PCDHA8: variants seen among roughly 807,000 people sequenced by gnomAD.
The protein encoded by PCDHA8 is protocadherin alpha-8.
Under a neutral mutation model 61.8 loss-of-function variants are expected in PCDHA8, and 53 were observed. That is an observed-to-expected ratio of 0.86 (90% CI 0.69 to 1.08). The LOEUF (loss-of-function observed/expected upper bound fraction) is 1.08, where lower values mean the gene tolerates loss of function less well. PCDHA8 is among the 50% of genes least tolerant of loss of function. The pLI, the probability that PCDHA8 is intolerant of heterozygous loss-of-function variation, is 0.00. For synonymous variants in PCDHA8, 618 were observed against 556.6 expected (o/e 1.11, Z -1.55); for missense variants, 1,293 against 1,245.0 (o/e 1.04, Z -0.58).
chr5:140,856,934 G>A, intron 1 of PCDHA8: 1 of 1,593,752 alleles, frequency 6.3e-7, no homozygotes. Context: ...TTGGATAAAC[G>A]AAAGGACGGG....
chr5:140,973,549 A>G (rs1040107774), intron 1 of PCDHA8, among the ~76,000 whole-genome samples: 2 of 152,230 alleles, frequency 1.3e-5, no homozygotes, highest in Non-Finnish European at 2.9e-5. Context: ...ATTTATTTCA[A>G]TTACCTCTTT....
chr5:140,882,628 G>A (rs1554174947), intron 1 of PCDHA8: 9 of 1,614,252 alleles, frequency 5.6e-6, no homozygotes, highest in Non-Finnish European at 7.6e-6. Flanking sequence ...TCCATGTGGA[G>A]GTGAAGGTGA....
chr5:140,967,935 A>G (rs186453952), intron 1 of PCDHA8: 13 of 1,614,214 alleles, frequency 8.1e-6, no homozygotes, highest in South Asian at 4.4e-5. Flanking sequence ...CTCAGTGTCA[A>G]TGACCAAGAC....
In PCDHA8 at chr5:140,842,144, G is replaced by A. The variant is rs2150330322; in HGVS notation, c.823G>A (p.Gly275Arg). ...TTCTGATCCGGATGAAGGAGCCAAT[G>A]GGGCAATTTCATATTCTTTTAATAG... ...NASDPDEGAN[G>R]AISYSFNSLV... The change falls in exon 1 of 4, where the codon GGG (glycine) becomes AGG (arginine). Residue 275 changes from glycine to arginine, a missense_variant. By Grantham distance (125) the Gly-to-Arg change is moderately radical. Transcript: ENST00000531613. The A allele has an allele frequency of 6.2e-7, 1 of 1,613,850 alleles. No individual in the cohort carries two copies. Among genetic ancestry groups the A allele is most frequent in the African/African-American group, 1.3e-5 (1 of 74,972 alleles).
intron 1 of PCDHA8, chr5:140,856,054 T>G: frequency 6.3e-7 from 1 of 1,586,304 alleles, no homozygotes; most frequent in Non-Finnish European, 8.6e-7. Flanking sequence ...ATAAGATGGT[T>G]TCCAGATGTA....
chr5:140,900,101 T>C (rs2067753417), intron 1 of PCDHA8, among the ~76,000 whole-genome samples: 1 of 152,180 alleles, frequency 6.6e-6, no homozygotes, highest in African/African-American at 2.4e-5. Flanking sequence ...TGCGCCACCA[T>C]ACCTGGCCTT....
Position 140,843,508 on chromosome 5 carries a change from G to A in PCDHA8, c.2187G>A (p.Glu729=), listed in dbSNP as rs2150361368. Residue 729 remains glutamate, a synonymous_variant, in exon 1 of 4, where the codon GAG becomes GAA. Transcript: ENST00000531613. ...TALRCSALPT[E]GGCRAGKPTL... is the part of the protein sequence containing the mutation. ...TGCGGTGCTCAGCACTGCCCACTGA[G>A]GGCGGGTGCCGGGCGGGCAAGCCCA... 2.5e-6 allele frequency: 4 copies of A among 1,596,038 alleles called. No individual in the cohort carries two copies. The Admixed American group carries it at 6.7e-5, about 27-fold the overall frequency.
At position 140,858,141 on chromosome 5, in the gene PCDHA8, T is replaced by C. The variant is rs1247420166; in HGVS notation, c.2394+14426T>C. 4 of 1,597,496 alleles carry C rather than the reference T, an allele frequency of 2.5e-6. No individual in the cohort carries two copies. The African/African-American group carries it at 5.4e-5, about 21-fold the overall frequency. ...GCCCTGGTGGATGTCAACGTGTACC[T>C]GATCATCGCCATCTGCGCGGTGTCC... On this transcript the variant is annotated intron_variant, in intron 1 of 3. Transcript: ENST00000531613.
chr5:140,891,234 G>A (rs1477518444), intron 1 of PCDHA8, among the ~76,000 whole-genome samples: 2 of 151,932 alleles, frequency 1.3e-5, no homozygotes, highest in Non-Finnish European at 2.9e-5. Context: ...ATCCTGTTCT[G>A]GATTCAGTAG....
intron 1 of PCDHA8, among the ~76,000 whole-genome samples, chr5:140,953,994 A>G (rs1464982369): frequency 6.6e-6 from 1 of 151,886 alleles, no homozygotes; most frequent in Non-Finnish European, 1.5e-5. Flanking sequence ...TTTCATGTGT[A>G]CTCATCATTC....
intron 1 of PCDHA8, 51 bp downstream of exon 1, chr5:140,843,766 G>A: frequency 6.7e-7 from 1 of 1,487,952 alleles, no homozygotes; most frequent in Non-Finnish European, 9.2e-7. Flanking sequence ...GGAAATTGTA[G>A]TTACTTTAAA....
At chr5:140,873,642 G>T (rs1217578025) in intron 1 of PCDHA8, among the ~76,000 whole-genome samples, 1 of 152,154 alleles carries the variant, frequency 6.6e-6, no homozygotes, top group Non-Finnish European at 1.5e-5. Flanking sequence ...GAGTATGTGA[G>T]AACTACATAA....
At chr5:140,853,193 T>C in intron 1 of PCDHA8, 2 of 981,640 alleles carry the variant, frequency 2.0e-6, no homozygotes, top group Non-Finnish European at 2.5e-6. Context: ...ATGTGTTCTT[T>C]ATTATTGACG....
chr5:140,982,154 G>A (rs1304368371), intron 2 of PCDHA8, among the ~76,000 whole-genome samples: 3 of 152,210 alleles, frequency 2.0e-5, no homozygotes, highest in East Asian at 1.9e-4. Flanking sequence ...CTTCAGTATC[G>A]AGATGTTAAA....
At chr5:140,933,833 A>C (rs944428844) in intron 1 of PCDHA8, among the ~76,000 whole-genome samples, 1 of 151,928 alleles carries the variant, frequency 6.6e-6, no homozygotes, top group Non-Finnish European at 1.5e-5. Flanking sequence ...TATTGCTCCT[A>C]TTTCATTCCT....
At chr5:140,955,652 A>T (rs1452679583) in intron 1 of PCDHA8, among the ~76,000 whole-genome samples, 2 of 152,180 alleles carry the variant, frequency 1.3e-5, no homozygotes, top group African/African-American at 4.8e-5. Context: ...ATTAATACAC[A>T]TATGAATTTT....
chr5:140,920,854 A>C (rs1369314704), intron 1 of PCDHA8, among the ~76,000 whole-genome samples: 1 of 152,006 alleles, frequency 6.6e-6, no homozygotes, highest in East Asian at 1.9e-4. Context: ...AAAAAAAAAA[A>C]AAAACAAACA....
intron 1 of PCDHA8, chr5:140,858,792 T>C (rs1554152021): frequency 2.6e-6 from 1 of 385,722 alleles, no homozygotes; most frequent in Admixed American, 4.5e-5. Context: ...GTTATTTCAT[T>C]TCCAATCTAA....
intron 1 of PCDHA8, among the ~76,000 whole-genome samples, chr5:140,952,415 C>T (rs138050953): frequency 7.9e-4 from 120 of 152,134 alleles, no homozygotes; most frequent in Admixed American, 1.6e-3. Context: ...TTTAATGTTC[C>T]GCAGATTCCT....
Sources: gnomAD v4.1 joint callset for allele counts (sites outside exome capture counted in the v4.1 genomes callset) on GRCh38, gnomAD v4.1.1 for gene constraint, MANE v1.5 for transcripts, NCBI Gene and HGNC (gene_info 2026-07-23, HGNC 2026-07-21) for gene names.